ARHGEF3: variants seen among roughly 807,000 people sequenced by gnomAD.
ARHGEF3 encodes the protein Rho guanine nucleotide exchange factor 3.
Under a neutral mutation model 63.2 loss-of-function variants are expected in ARHGEF3, and 28 were observed. The ratio of observed to expected loss-of-function variants is 0.44; its 90% CI spans 0.33 to 0.61. The LOEUF is 0.61. Among genes scored for constraint, ARHGEF3 ranks in the 20% least tolerant of loss-of-function variants. ARHGEF3 has a pLI of 0.03. For synonymous variants in ARHGEF3, 266 were observed against 254.2 expected (o/e 1.05, Z -0.44); for missense variants, 533 against 659.3 (o/e 0.81, Z 2.10).
intron 3 of ARHGEF3, among the ~76,000 whole-genome samples, chr3:56,937,472 G>A (rs548784517): frequency 6.6e-6 from 1 of 152,312 alleles, no homozygotes; most frequent in South Asian, 2.1e-4. Context: ...ATTCTAGATG[G>A]TGAGTGTTTG....
intron 3 of ARHGEF3, among the ~76,000 whole-genome samples, chr3:56,929,946 G>A (rs567180533): frequency 6.6e-6 from 1 of 152,120 alleles, no homozygotes; most frequent in Non-Finnish European, 1.5e-5. Context: ...AACTGACAAT[G>A]CTTTTGCCAG....
chr3:56,822,870 C>T lies in ARHGEF3; in HGVS notation c.193-49054G>A, dbSNP rs546941778. On this transcript the variant is annotated intron_variant, in intron 4 of 12. Transcript: ENST00000338458. Reference sequence around the variant, plus strand: ...CTCTGAAAAAAAAAAAAAAAAATCACGGTGTATCAGAAGGAAGGTCTCCCA... The same window carrying T: ...CTCTGAAAAAAAAAAAAAAAAATCATGGTGTATCAGAAGGAAGGTCTCCCA... 4.7e-3 allele frequency among the ~76,000 whole-genome samples: 685 copies of T among 146,338 alleles called. 11 individuals carry two copies. The highest frequency in any genetic ancestry group is 0.015 in the African/African-American group (608 of 39,474).
chr3:56,734,365 T>G (rs2033453540), intron 8 of ARHGEF3, among the ~76,000 whole-genome samples: 2 of 152,148 alleles, frequency 1.3e-5, no homozygotes, highest in Admixed American at 6.5e-5. Flanking sequence ...AAGTGGGAGC[T>G]AAATCTTGGG....
intron 2 of ARHGEF3, among the ~76,000 whole-genome samples, chr3:57,031,242 TGAAA>T (rs1418716419): frequency 6.6e-6 from 1 of 152,182 alleles, no homozygotes; most frequent in African/African-American, 2.4e-5. Flanking sequence ...GTCCAATAGG[TGAAA>T]GAGACACTAA....
At chr3:56,805,877 T>C (rs1298166975), upstream of ARHGEF3, among the ~76,000 whole-genome samples, 1 of 152,210 alleles carries the variant, frequency 6.6e-6, no homozygotes, top group Non-Finnish European at 1.5e-5. Flanking sequence ...GGTCTGATTC[T>C]TCCAAGCTTC....
At chr3:57,064,907 A>G (rs1162174222) in intron 1 of ARHGEF3, among the ~76,000 whole-genome samples, 1 of 152,242 alleles carries the variant, frequency 6.6e-6, no homozygotes, top group Non-Finnish European at 1.5e-5. Context: ...AAAACTTAAA[A>G]ATAGTCAACA....
At chr3:56,966,072 A>C (rs1369005803) in intron 2 of ARHGEF3, among the ~76,000 whole-genome samples, 1 of 152,258 alleles carries the variant, frequency 6.6e-6, no homozygotes, top group Non-Finnish European at 1.5e-5. Flanking sequence ...TATATTATTT[A>C]GAAACACACA....
chr3:56,960,118 A>G (rs997998349), intron 2 of ARHGEF3, among the ~76,000 whole-genome samples: 1 of 152,080 alleles, frequency 6.6e-6, no homozygotes, highest in African/African-American at 2.4e-5. Flanking sequence ...CTGAGTAAAA[A>G]TCTTGATTGC....
chr3:56,864,109 C>T (rs1451265931), intron 4 of ARHGEF3, among the ~76,000 whole-genome samples: 2 of 152,248 alleles, frequency 1.3e-5, no homozygotes, highest in East Asian at 3.8e-4. Flanking sequence ...CACATCTACC[C>T]TTGGTTTCAT....
rs140077612 is a variant in ARHGEF3, at chr3:56,978,534, C to T, written c.63-19645G>A. Among the ~76,000 whole-genome samples, 413 of 152,262 alleles carry T rather than the reference C, an allele frequency of 2.7e-3. 2 individuals carry two copies. Among genetic ancestry groups the T allele is most frequent in the African/African-American group, 9.6e-3 (399 of 41,532 alleles). ...AGTACTCACCCTCCCTACTAACTAG[C>T]CAAATGGAAATTTAAATAAGTTAGC... On this transcript the variant is annotated intron_variant, in intron 2 of 12. Transcript: ENST00000338458.
intron 4 of ARHGEF3, among the ~76,000 whole-genome samples, chr3:56,818,149 A>G (rs185787761): frequency 6.4e-4 from 98 of 152,336 alleles, no homozygotes; most frequent in Middle Eastern, 6.8e-3. Context: ...GACTCTGGCT[A>G]GGGGAAGAAG....
At chr3:56,865,173 C>A (rs573718757) in intron 4 of ARHGEF3, among the ~76,000 whole-genome samples, 29 of 152,282 alleles carry the variant, frequency 1.9e-4, no homozygotes, top group African/African-American at 5.1e-4. Context: ...ATTTCCACAA[C>A]CTGACAATAA....
rs141231429 is a variant in ARHGEF3 at position 56,913,861 on chromosome 3, G to A, written c.130-31507C>T. Among the ~76,000 whole-genome samples the A allele has an allele frequency of 3.1e-3, 474 of 152,204 alleles. 2 individuals carry two copies. Among genetic ancestry groups the A allele is most frequent in the African/African-American group, 0.01 (425 of 41,532 alleles). ...ATGCATGTTTATAGCAACACAATTC[G>A]CAACTGCAAAATCATGGAACACCCA... On this transcript the variant is annotated intron_variant, in intron 3 of 12. Transcript: ENST00000338458.
intron 3 of ARHGEF3, among the ~76,000 whole-genome samples, chr3:56,923,825 T>C (rs1363353841): frequency 6.6e-6 from 1 of 152,192 alleles, no homozygotes; most frequent in African/African-American, 2.4e-5. Flanking sequence ...TCTCCCTTAA[T>C]TCAGAATCAG....
At chr3:56,913,172 C>CA (rs1553778690) in intron 3 of ARHGEF3, among the ~76,000 whole-genome samples, 4,849 of 44,302 alleles carry the variant, frequency 0.11, 262 homozygotes, top group African/African-American at 0.24. Flanking sequence ...ACAACAACAA[C>CA]AAAAAAAACT....
In ARHGEF3 at chr3:56,756,335, A is replaced by C. The variant is rs750600817; in HGVS notation, c.205-1184T>G. ...CTGTGGCCTTCAGCAGGAAGTTTCA[A>C]CTCCTCATCTTGGCACAGGAAGTCT... On this transcript the variant is annotated intron_variant, in intron 2 of 9. Coordinates refer to ENST00000296315, the MANE Select transcript of ARHGEF3 (RefSeq NM_019555.3). Among the ~76,000 whole-genome samples, 12 of 151,840 alleles carry C rather than the reference A, an allele frequency of 7.9e-5. No individual in the cohort carries two copies. The East Asian group carries it at 2.3e-3, about 30-fold the overall frequency.
rs2033687528 is a variant in ARHGEF3 at position 56,737,230 on chromosome 3, A to G, written c.996T>C (p.Ser332=). ...GTTCACCATGACAACACAAGACTCG[A>G]GAGCTGTCGATCAGGGAGTCTTTCT... is the stretch of plus-strand genomic sequence containing the variant. The part of the protein sequence containing the change: ...EGQKDSLIDS[S]RVLCCHGELK... The change falls in exon 8 of 10, where the codon TCT becomes TCC. Residue 332 remains serine, a synonymous_variant. Coordinates refer to ENST00000296315, the MANE Select transcript of ARHGEF3 (RefSeq NM_019555.3). 2 of 1,614,018 alleles carry G rather than the reference A, an allele frequency of 1.2e-6. No individual in the cohort carries two copies. The highest frequency in any genetic ancestry group is 1.7e-6 in the Non-Finnish European group (2 of 1,179,998).
At chr3:56,882,266 G>C in intron 4 of ARHGEF3, 1 of 1,545,548 alleles carries the variant, frequency 6.5e-7, no homozygotes, top group African/African-American at 1.4e-5. Flanking sequence ...CTCGGTGCCA[G>C]TGGGGGAAGA....
chr3:57,024,428 T>C lies in ARHGEF3; in HGVS notation c.62+10660A>G, dbSNP rs558330991. 4.1e-4 allele frequency among the ~76,000 whole-genome samples: 62 copies of C among 152,168 alleles called. No homozygotes were observed. In the South Asian group the frequency reaches 0.012, roughly 30 times the overall value. On this transcript the variant is annotated intron_variant, in intron 2 of 12. Transcript: ENST00000338458. ...AAAAAAAATCAGAGCTATACCTGTA[T>C]ATGGCTTATTTCTGTAATAAAACAA...
Sources: allele counts gnomAD v4.1 joint callset (sites outside exome capture counted in the v4.1 genomes callset), GRCh38; gene constraint gnomAD v4.1.1; transcripts MANE v1.5; gene names NCBI Gene and HGNC (gene_info 2026-07-23, HGNC 2026-07-21).